Variants in SLC44A1 observed in about 807,000 individuals in gnomAD.
SLC44A1 encodes choline transporter-like protein 1.
In SLC44A1, 26 loss-of-function variants were observed where a neutral mutation model predicts 79.3. The ratio of observed to expected loss-of-function variants is 0.33; its 90% CI spans 0.24 to 0.46. SLC44A1 has a LOEUF of 0.46. SLC44A1 is among the 20% of genes least tolerant of loss of function. SLC44A1 has a pLI of 1.00. For missense variants in SLC44A1, 688 were observed against 798.1 expected (o/e 0.86, Z 1.66); for synonymous variants, 263 against 286.2 (o/e 0.92, Z 0.82).
At position 105,393,942 on chromosome 9, in the gene SLC44A1, T is replaced by G. The variant is rs1828821028; in HGVS notation, c.*4886T>G. ...TTGTAATTTACAAATGTCTCAGAAA[T>G]TTCTCACTTTTATTTGCTAAGACCT... is the stretch of plus-strand genomic sequence containing the variant. On this transcript the variant is annotated 3_prime_UTR_variant, in exon 16 of 16. Coordinates refer to ENST00000374720, the MANE Select transcript of SLC44A1 (RefSeq NM_080546.5). 6.1e-6 allele frequency: 6 copies of G among 984,316 alleles called. No individual in the cohort carries two copies. The highest frequency in any genetic ancestry group is 7.2e-6 in the Non-Finnish European group (6 of 828,922). The allele number at this position is 984,316 out of a possible 1,614,324, so 61.0% of individuals were successfully genotyped here.
At position 105,392,167 on chromosome 9, in the gene SLC44A1, C is replaced by T. The variant is rs1012005583; in HGVS notation, c.*3111C>T. 1 of 985,092 alleles carries T rather than the reference C, an allele frequency of 1.0e-6. No individual in the cohort carries two copies. The highest frequency in any genetic ancestry group is 1.2e-6 in the Non-Finnish European group (1 of 829,750). 61.0% of individuals were successfully genotyped at this position (985,092 alleles called of 1,614,324 possible). ...ATAATCCTTGCATGGATGAGCAGAG[C>T]TCAAAGCCAGTTGTTCCTTTAAAGC... On this transcript the variant is annotated 3_prime_UTR_variant, in exon 16 of 16. Coordinates refer to ENST00000374720, the MANE Select transcript of SLC44A1 (RefSeq NM_080546.5).
chr9:105,256,565 C>CTT (rs71501462), intron 1 of SLC44A1, among the ~76,000 whole-genome samples: 49 of 136,204 alleles, frequency 3.6e-4, no homozygotes, highest in African/African-American at 8.4e-4. Context: ...GCTGGAAACT[C>CTT]TTTTTTTTTT....
At chr9:105,318,318 T>G (rs1050719988) in intron 3 of SLC44A1, among the ~76,000 whole-genome samples, 2 of 152,026 alleles carry the variant, frequency 1.3e-5, no homozygotes, top group Non-Finnish European at 2.9e-5. Flanking sequence ...GTAGCTGGGA[T>G]CACAAGCACC....
rs543873498 is a variant in SLC44A1 at position 105,360,916 on chromosome 9, G to A, written c.761-275G>A. On this transcript the variant is annotated intron_variant, in intron 7 of 15. Transcript: ENST00000374720. Reference sequence around the variant, plus strand: ...CAGGGGTGTATGTTTCTACTGGCTCGCTCTTAGCTTCATAGTCAATAATAA... The same window carrying A: ...CAGGGGTGTATGTTTCTACTGGCTCACTCTTAGCTTCATAGTCAATAATAA... Among the ~76,000 whole-genome samples, 8 of 152,158 alleles carry A rather than the reference G, an allele frequency of 5.3e-5. No individual in the cohort carries two copies. The East Asian group carries it at 5.8e-4, about 11-fold the overall frequency.
Position 105,392,849 on chromosome 9 carries a change from G to C in SLC44A1, c.*3793G>C, listed in dbSNP as rs1828796093. The C allele has an allele frequency of 2.0e-6, 2 of 985,312 alleles. No homozygotes were observed. The allele number at this position is 985,312 out of a possible 1,614,324, so 61.0% of individuals were successfully genotyped here. ...GTCAGTAACCTTGTCATTTAAATTG[G>C]ACTTTCCAATAGCCTTAACATGGCC... On this transcript the variant is annotated 3_prime_UTR_variant, in exon 16 of 16. Transcript: ENST00000374720.
chr9:105,349,705 C>T (rs1827346449), intron 5 of SLC44A1, among the ~76,000 whole-genome samples: 1 of 152,164 alleles, frequency 6.6e-6, no homozygotes, highest in Admixed American at 6.5e-5. Context: ...TAGAAAAGCT[C>T]TATACCCTTA....
rs1828874431 is a variant in SLC44A1 at position 105,396,348 on chromosome 9, G to T, written c.*7292G>T. 2.0e-6 allele frequency: 2 copies of T among 985,274 alleles called. No homozygotes were observed. The highest frequency in any genetic ancestry group is 1.2e-4 in the Admixed American group (2 of 16,260). The allele number at this position is 985,274 out of a possible 1,614,324, so 61.0% of individuals were successfully genotyped here. On this transcript the variant is annotated 3_prime_UTR_variant, in exon 16 of 16. Transcript: ENST00000374720. ...AAAAAAACTTTAACAAAAAGGCAGG[G>T]AGAAAAGTGTGAAGGGCATCAAGCA... is the stretch of plus-strand genomic sequence containing the variant.
chr9:105,306,812 A>G (rs191279005), intron 2 of SLC44A1, among the ~76,000 whole-genome samples: 22 of 152,260 alleles, frequency 1.4e-4, no homozygotes, highest in Middle Eastern at 3.4e-3. Flanking sequence ...TCTGTAACAC[A>G]ATGTACTTAT....
At chr9:105,437,224 T>A (rs938643000) in intron 15 of SLC44A1, among the ~76,000 whole-genome samples, 2 of 152,112 alleles carry the variant, frequency 1.3e-5, no homozygotes, top group East Asian at 1.9e-4. Context: ...AAACATGTAT[T>A]TTACCCCATA....
chr9:105,337,491 G>A (rs1454401302), intron 4 of SLC44A1, among the ~76,000 whole-genome samples: 1 of 152,104 alleles, frequency 6.6e-6, no homozygotes, highest in Non-Finnish European at 1.5e-5. Context: ...TTCCACTAAT[G>A]GAATGTAATA....
At position 105,433,627 on chromosome 9, in the gene SLC44A1, C is replaced by T. The variant is rs376752908; in HGVS notation, c.1951-4654C>T. 2.6e-4 allele frequency among the ~76,000 whole-genome samples: 40 copies of T among 151,860 alleles called. No homozygotes were observed. In the East Asian group the frequency reaches 4.1e-3, roughly 16 times the overall value. On this transcript the variant is annotated intron_variant, in intron 15 of 15. Transcript: ENST00000374724. Reference sequence around the variant, plus strand: ...TGCCCCTGCCACCCCACTCCCCCGCCGCCCCTGCTTCACCCCTCCACTGCC... The same window carrying T: ...TGCCCCTGCCACCCCACTCCCCCGCTGCCCCTGCTTCACCCCTCCACTGCC...
rs149480153 is a variant in SLC44A1, at chr9:105,253,756, G to A, written c.36+8852G>A. ...TTATTTTTTTTTGAGACAGAGTCTC[G>A]CTCTGTTGCCCAGGCTGGAGTGCAG... On this transcript the variant is annotated intron_variant, in intron 1 of 15. Transcript: ENST00000374720. 6.5e-3 allele frequency among the ~76,000 whole-genome samples: 984 copies of A among 152,086 alleles called. 8 individuals carry two copies. Among genetic ancestry groups the A allele is most frequent in the African/African-American group, 0.023 (937 of 41,468 alleles).
At chr9:105,380,656 A>G (rs1032841368) in intron 13 of SLC44A1, among the ~76,000 whole-genome samples, 3 of 152,178 alleles carry the variant, frequency 2.0e-5, no homozygotes, top group Non-Finnish European at 4.4e-5. Context: ...GACATTTTAA[A>G]TGTATGAGAA....
intron 1 of SLC44A1, among the ~76,000 whole-genome samples, chr9:105,296,926 T>G (rs1452083452): frequency 1.3e-5 from 2 of 152,170 alleles, no homozygotes; most frequent in Admixed American, 1.3e-4. Context: ...CCAGACTAAC[T>G]CCTTCCTGCC....
At chr9:105,370,262 GTGATCTGCAGCACA>G (rs987164817) in intron 12 of SLC44A1, among the ~76,000 whole-genome samples, 3 of 152,230 alleles carry the variant, frequency 2.0e-5, no homozygotes, top group African/African-American at 7.2e-5. Context: ...TTTGCCTGCT[GTGATCTGCAGCACA>G]TTTTTCTTCC....
intron 1 of SLC44A1, among the ~76,000 whole-genome samples, chr9:105,253,864 C>T (rs377752682): frequency 2.9e-4 from 44 of 152,214 alleles, no homozygotes; most frequent in African/African-American, 9.6e-4. Context: ...GCTTGGACTA[C>T]AGGTACCCGC....
intron 5 of SLC44A1, chr9:105,355,919 TTGTGTGTGTGTA>T (rs1827607035): frequency 3.2e-6 from 1 of 309,832 alleles, no homozygotes; most frequent in Non-Finnish European, 5.9e-6. Flanking sequence ...CTTTTGGTAG[TTGTGTGTGTGTA>T]TGTGTGTGTG....
At chr9:105,437,116 G>C (rs1330079829) in intron 15 of SLC44A1, among the ~76,000 whole-genome samples, 1 of 151,958 alleles carries the variant, frequency 6.6e-6, no homozygotes, top group Non-Finnish European at 1.5e-5. Flanking sequence ...CATCCTAATG[G>C]GGCTTTTTTA....
chr9:105,321,210 A>G (rs1292497721), intron 3 of SLC44A1, among the ~76,000 whole-genome samples: 1 of 152,070 alleles, frequency 6.6e-6, no homozygotes, highest in East Asian at 1.9e-4. Flanking sequence ...TTATGTTGAT[A>G]TATATGATTC....
Sources: allele counts gnomAD v4.1 joint callset (sites outside exome capture counted in the v4.1 genomes callset), GRCh38; gene constraint gnomAD v4.1.1; transcripts MANE v1.5; gene names NCBI Gene and HGNC (gene_info 2026-07-23, HGNC 2026-07-21).